Variants in TPH1 observed in about 807,000 individuals in gnomAD.
TPH1 encodes tryptophan hydroxylase 1.
A neutral mutation model predicts 49.5 loss-of-function variants in TPH1; 37 were observed. The observed-to-expected ratio is 0.75, with a 90% CI of 0.58 to 0.98. The LOEUF (loss-of-function observed/expected upper bound fraction) is 0.98. TPH1 is among the 50% of genes least tolerant of loss of function. The pLI is 0.00. For missense variants in TPH1, 487 were observed against 523.6 expected, an observed-to-expected ratio of 0.93 and a Z score of 0.68; for synonymous variants, 160 against 182.1, an observed-to-expected ratio of 0.88 and a Z score of 0.98.
At chr11:18,021,988 A>T (rs1854368931) in intron 10 of TPH1, among the ~76,000 whole-genome samples, 1 of 152,154 alleles carries the variant, frequency 6.6e-6, no homozygotes, top group South Asian at 2.1e-4. Context: ...TGCTAGTATT[A>T]TTATTTGGTT....
At chr11:18,034,237 C>A (rs954078264) in intron 3 of TPH1, among the ~76,000 whole-genome samples, 1 of 152,174 alleles carries the variant, frequency 6.6e-6, no homozygotes, top group African/African-American at 2.4e-5. Context: ...ATCTATACAC[C>A]TCTGCATTTT....
intron 4 of TPH1, among the ~76,000 whole-genome samples, chr11:18,032,627 G>A (rs1316169509): frequency 7.4e-6 from 1 of 135,596 alleles, no homozygotes; most frequent in Non-Finnish European, 1.5e-5. Context: ...CTCACTGCAA[G>A]CTCCACCTCC....
At chr11:18,044,220 G>A (rs771462213) in intron 1 of TPH1, among the ~76,000 whole-genome samples, 2 of 152,144 alleles carry the variant, frequency 1.3e-5, no homozygotes, top group Non-Finnish European at 2.9e-5. Flanking sequence ...TCAAGAGAGC[G>A]AGACCATCCT....
Position 18,029,212 on chromosome 11 carries a change from C to A in TPH1, c.620G>T (p.Arg207Leu). Reference protein sequence around the residue: ...LPLLSKYCGYREDNIPQLEDV... With the variant: ...LPLLSKYCGYLEDNIPQLEDV... ...TTCCAATTGTGGGATATTATCCTCC[C>A]GATATCCACAATATTTAGAAAGCAA... Residue 207 changes from arginine to leucine, a missense_variant, in exon 6 of 11, where the codon CGG becomes CTG. Arg to Leu is a moderately radical substitution (Grantham distance 102, BLOSUM62 -2). Transcript: ENST00000682019. 1 of 1,613,822 alleles carries A rather than the reference C, an allele frequency of 6.2e-7. No homozygotes were observed. The highest frequency in any genetic ancestry group is 1.1e-5 in the South Asian group (1 of 91,070).
At chr11:18,021,909 C>A (rs1669060193) in intron 10 of TPH1, among the ~76,000 whole-genome samples, 1 of 152,174 alleles carries the variant, frequency 6.6e-6, no homozygotes, top group Admixed American at 6.5e-5. Flanking sequence ...AAATCCAACT[C>A]ATAATCCACC....
At chr11:18,036,196 C>A (rs1848047278) in intron 2 of TPH1, 54 bp from the exon 3 acceptor site, 1 of 1,378,734 alleles carries the variant, frequency 7.3e-7, no homozygotes, top group Admixed American at 1.8e-5. Context: ...TGTTAATAGT[C>A]TTTGAGCAGG....
intron 4 of TPH1, 63 bp downstream of exon 4, chr11:18,033,211 C>CCACTG: frequency 8.0e-7 from 1 of 1,247,956 alleles, no homozygotes; most frequent in Non-Finnish European, 1.2e-6. Context: ...CGAGATCGTG[C>CCACTG]CACTGCACTC....
At chr11:18,042,491 ATCTT>A in intron 1 of TPH1, 1 of 353,768 alleles carries the variant, frequency 2.8e-6, no homozygotes, top group Non-Finnish European at 5.6e-6. Context: ...CTAGTAATAA[ATCTT>A]TCTGCAAATC....
chr11:18,026,393 CAAAAAAAAAAAAAA>C (rs57335932), intron 7 of TPH1, 83 bp downstream of exon 7: 5 of 588,766 alleles, frequency 8.5e-6, no homozygotes, highest in African/African-American at 3.5e-5. Flanking sequence ...CCTCGCACAC[CAAAAAAAAAAAAAA>C]AAAAAAAAAA....
At position 18,019,981 on chromosome 11, in the gene TPH1, A is replaced by C. The variant is rs79735056; in HGVS notation, c.*1010T>G. On this transcript the variant is annotated 3_prime_UTR_variant, in exon 11 of 11. Coordinates refer to ENST00000682019, the MANE Select transcript of TPH1 (RefSeq NM_004179.3). ...ACTCTCATTGCATACCTTTCTGTTT[A>C]TGGCCTCACCTTATACCTTAGAAAT... The C allele has an allele frequency of 1.3e-4, 41 of 326,442 alleles. No homozygotes were observed. In the East Asian group the frequency reaches 3.4e-3, roughly 27 times the overall value. The allele number at this position is 326,442 out of a possible 1,614,324, so 20.2% of individuals were successfully genotyped here. A position where few individuals can be genotyped will look rare whatever the true frequency, so the allele number is the denominator to read the frequency against.
rs1854314592 is a variant in TPH1, at chr11:18,018,025, G to C, written c.*2966C>G. On this transcript the variant is annotated 3_prime_UTR_variant, in exon 11 of 11. Coordinates refer to ENST00000682019, the MANE Select transcript of TPH1 (RefSeq NM_004179.3). ...ATGGATCACCTGCGGTCAGAAGTTC[G>C]AGACCAGCCTGGCCAACATGGCGAA... is the stretch of plus-strand genomic sequence containing the variant. 1 of 151,096 alleles carries C rather than the reference G, an allele frequency of 6.6e-6. No individual in the cohort carries two copies. The highest frequency in any genetic ancestry group is 6.6e-5 in the Admixed American group (1 of 15,174). 9.4% of individuals were successfully genotyped at this position (151,096 alleles called of 1,614,324 possible).
At chr11:18,038,774 ATTC>A (rs1305405984) in intron 2 of TPH1, among the ~76,000 whole-genome samples, 2 of 152,214 alleles carry the variant, frequency 1.3e-5, no homozygotes, top group African/African-American at 4.8e-5. Context: ...ATGCACAATT[ATTC>A]TTCGATTAAA....
chr11:18,023,112 C>T, intron 9 of TPH1, 181 bp from the exon 10 acceptor site: 1 of 619,976 alleles, frequency 1.6e-6, no homozygotes, highest in Non-Finnish European at 2.8e-6. Context: ...AAATGGCTTG[C>T]CCTTCCCTGT....
Position 18,040,640 on chromosome 11 carries a change from G to A in TPH1, c.117+6C>T. 6.2e-7 allele frequency: 1 copy of A among 1,608,972 alleles called. No homozygotes were observed. Among genetic ancestry groups the A allele is most frequent in the Non-Finnish European group, 8.5e-7 (1 of 1,177,360 alleles). ...AATTCTGTGCAAAAATACAGAAAAT[G>A]CTTACCTGAAAGATTTTCAGGGCTT... is the stretch of plus-strand genomic sequence containing the variant. On this transcript the variant is annotated splice_donor_region_variant and intron_variant, in intron 2 of 10. Transcript: ENST00000682019.
chr11:18,033,365 G>T lies in TPH1; in HGVS notation c.311C>A (p.Thr104Asn). Reference sequence around the variant, plus strand: ...AATCTTCTTTGGAAACCAAGGAACAGTTTCCATACCTGTAAAATTTAAAAT... The same window carrying T: ...AATCTTCTTTGGAAACCAAGGAACATTTTCCATACCTGTAAAATTTAAAAT... ...NFTLKEDGMETVPWFPKKISD... is the reference protein window; with the variant it reads ...NFTLKEDGMENVPWFPKKISD... Residue 104 changes from threonine to asparagine, a missense_variant, in exon 4 of 11, where the codon ACT becomes AAT. Thr to Asn is a moderately conservative substitution (Grantham distance 65). Transcript: ENST00000682019. 1 of 1,611,526 alleles carries T rather than the reference G, an allele frequency of 6.2e-7. No homozygotes were observed. The highest frequency in any genetic ancestry group is 1.1e-5 in the South Asian group (1 of 91,018).
chr11:18,036,167 T>A, intron 2 of TPH1, 25 bp from the exon 3 acceptor site: 1 of 1,571,620 alleles, frequency 6.4e-7, no homozygotes, highest in Non-Finnish European at 8.7e-7. Flanking sequence ...GGGAAAAGAT[T>A]TCATGTAACT....
At position 18,020,017 on chromosome 11, in the gene TPH1, G is replaced by T; in HGVS notation, c.*974C>A. On this transcript the variant is annotated 3_prime_UTR_variant, in exon 11 of 11. Transcript: ENST00000682019. The stretch of plus-strand genomic sequence containing the variant: ...TTATACCTTAGAAATAAAGTACTCA[G>T]CACTGTTTTTTCTATCTTTTACTTT... 1 of 236,808 alleles carries T rather than the reference G, an allele frequency of 4.2e-6. No individual in the cohort carries two copies. The highest frequency in any genetic ancestry group is 8.4e-6 in the Non-Finnish European group (1 of 119,160). 14.7% of individuals were successfully genotyped at this position (236,808 alleles called of 1,614,324 possible). A position where few individuals can be genotyped will look rare whatever the true frequency, so the allele number is the denominator to read the frequency against.
intron 9 of TPH1, among the ~76,000 whole-genome samples, 161 bp downstream of exon 9, chr11:18,023,722 GATATA>G (rs1247894494): frequency 1.3e-5 from 2 of 151,882 alleles, no homozygotes; most frequent in African/African-American, 4.8e-5. Context: ...TGGATTATAT[GATATA>G]ATATATAATT....
At chr11:18,043,586 G>T (rs964377664) in intron 1 of TPH1, among the ~76,000 whole-genome samples, 5 of 152,050 alleles carry the variant, frequency 3.3e-5, no homozygotes, top group Non-Finnish European at 7.3e-5. Context: ...CAGGGCAGTA[G>T]AGTGAGACTC....
Sources: gnomAD v4.1 joint callset for allele counts (sites outside exome capture counted in the v4.1 genomes callset) on GRCh38, gnomAD v4.1.1 for gene constraint, MANE v1.5 for transcripts, NCBI Gene and HGNC (gene_info 2026-07-23, HGNC 2026-07-21) for gene names.